The following SMCHD1 variants were observed in gnomAD, a reference collection of about 807,000 sequenced individuals.
The protein encoded by SMCHD1 is structural maintenance of chromosomes flexible hinge domain-containing protein 1.
Under a neutral mutation model 254.7 loss-of-function variants are expected in SMCHD1, and 78 were observed. That is an observed-to-expected ratio of 0.31 (90% CI 0.26 to 0.37). The LOEUF is 0.37. Among genes scored for constraint, SMCHD1 ranks in the 10% least tolerant of loss-of-function variants. The probability of loss-of-function intolerance (pLI) is 1.00; values close to 1 mark genes in which losing one functional copy is unlikely to be tolerated. For synonymous variants in SMCHD1, 766 were observed against 794.9 expected (o/e 0.96, Z 0.61); for missense variants, 1,840 against 2,408.1 (o/e 0.76, Z 4.94).
At chr18:2,781,354 A>G (rs2076154366) in intron 44 of SMCHD1, among the ~76,000 whole-genome samples, 1 of 152,236 alleles carries the variant, frequency 6.6e-6, no homozygotes, top group Admixed American at 6.5e-5. Context: ...TGCAATGTGT[A>G]TTCATACTAC....
At chr18:2,796,336 T>G (rs1030505452) in intron 46 of SMCHD1, 71 bp from the exon 47 acceptor site, 51 of 1,004,756 alleles carry the variant, frequency 5.1e-5, no homozygotes, top group Non-Finnish European at 6.0e-5. Flanking sequence ...TATGACATAT[T>G]CATGTTTGCA....
chr18:2,709,847 G>A (rs1352475154), intron 17 of SMCHD1, among the ~76,000 whole-genome samples: 1 of 152,052 alleles, frequency 6.6e-6, no homozygotes, highest in African/African-American at 2.4e-5. Flanking sequence ...CCACTCTGTG[G>A]GTTGCTTTTT....
intron 25 of SMCHD1, 105 bp from the exon 26 acceptor site, chr18:2,738,292 G>T: frequency 2.9e-6 from 3 of 1,046,834 alleles, no homozygotes; most frequent in Non-Finnish European, 3.9e-6. Flanking sequence ...TTTTTCTTGG[G>T]GGTGAAGAAG....
intron 28 of SMCHD1, 114 bp downstream of exon 28, chr18:2,740,935 A>C: frequency 1.7e-6 from 1 of 585,008 alleles, no homozygotes. Flanking sequence ...TTTAAATTGA[A>C]AAGTCATAAA....
chr18:2,769,739 T>G lies in SMCHD1; in HGVS notation c.4765T>G (p.Tyr1589Asp). Residue 1589 changes from tyrosine (Y) to aspartate (D), a missense_variant, in exon 38 of 48, where the codon TAT (tyrosine) becomes GAT (aspartate). Physicochemically the swap from Tyr to Asp is radical, Grantham distance 160. Coordinates refer to ENST00000320876, the MANE Select transcript of SMCHD1 (RefSeq NM_015295.3). ...ESSPGRDSTE[Y>D]FIVFEPRLPL... ...TAGTCCTGGAAGGGATAGTACTGAA[T>G]ATTTTATTGTATTTGAGCCCCGGCT... 6.2e-7 allele frequency: 1 copy of G among 1,601,732 alleles called. No homozygotes were observed. Among genetic ancestry groups the G allele is most frequent in the South Asian group, 1.1e-5 (1 of 89,386 alleles).
chr18:2,792,427 C>G (rs1351681407), intron 45 of SMCHD1, among the ~76,000 whole-genome samples: 1 of 152,194 alleles, frequency 6.6e-6, no homozygotes, highest in African/African-American at 2.4e-5. Context: ...CTGTTGTGTT[C>G]ACTTAATGAC....
At chr18:2,675,856 C>T (rs1276350427) in intron 5 of SMCHD1, among the ~76,000 whole-genome samples, 1 of 152,162 alleles carries the variant, frequency 6.6e-6, no homozygotes, top group Non-Finnish European at 1.5e-5. Context: ...ACAAAACAAA[C>T]TTTTAAACTT....
At chr18:2,656,440 G>A (rs2073059866) in intron 1 of SMCHD1, among the ~76,000 whole-genome samples, 179 bp downstream of exon 1, 1 of 152,226 alleles carries the variant, frequency 6.6e-6, no homozygotes, top group African/African-American at 2.4e-5. Flanking sequence ...GCCTCGGGCG[G>A]GCCCTGGCCC....
At position 2,715,682 on chromosome 18, in the gene SMCHD1, C is replaced by T. The variant is rs540626816; in HGVS notation, c.2261-2476C>T. 7.9e-5 allele frequency among the ~76,000 whole-genome samples: 12 copies of T among 152,092 alleles called. No individual in the cohort carries two copies. The South Asian group carries it at 1.5e-3, about 18-fold the overall frequency. On this transcript the variant is annotated intron_variant, in intron 17 of 47. Transcript: ENST00000320876. The stretch of plus-strand genomic sequence containing the variant: ...ATCCTGGACAACACAGTGAGACACT[C>T]TCTAAAAAAATTTTTTTTTAATTTA...
At chr18:2,792,828 G>C (rs2076190184) in intron 45 of SMCHD1, among the ~76,000 whole-genome samples, 1 of 152,240 alleles carries the variant, frequency 6.6e-6, no homozygotes, top group East Asian at 1.9e-4. Flanking sequence ...TTCAGGGAAA[G>C]GGTGTTTTGT....
chr18:2,704,332 TTTTG>T (rs760486817), intron 13 of SMCHD1, among the ~76,000 whole-genome samples: 12 of 152,168 alleles, frequency 7.9e-5, no homozygotes, highest in Admixed American at 4.6e-4. Context: ...TCTCAGTGTT[TTTTG>T]TTTGTTTGTT....
intron 17 of SMCHD1, among the ~76,000 whole-genome samples, chr18:2,708,915 T>TATAAAAC (rs1568199419): frequency 1.2e-4 from 11 of 90,466 alleles, no homozygotes; most frequent in African/African-American, 4.6e-4. Flanking sequence ...TATAACATAT[T>TATAAAAC]AACATGAAAT....
intron 17 of SMCHD1, among the ~76,000 whole-genome samples, chr18:2,710,859 G>A (rs2074650122): frequency 6.6e-6 from 1 of 152,162 alleles, no homozygotes; most frequent in Admixed American, 6.5e-5. Flanking sequence ...TATTCCTTGT[G>A]TAGTGTTTTT....
chr18:2,795,147 G>A (rs12968262), intron 45 of SMCHD1, among the ~76,000 whole-genome samples: 44,273 of 151,726 alleles, frequency 0.29, 6,687 homozygotes, highest in East Asian at 0.51. Flanking sequence ...TCTGCTTCCC[G>A]GGTTCACGCC....
chr18:2,795,925 C>G, intron 45 of SMCHD1, 24 bp from the exon 46 acceptor site: 1 of 1,545,104 alleles, frequency 6.5e-7, no homozygotes, highest in South Asian at 1.2e-5. Context: ...GTAATTTAAT[C>G]AAATGCATTT....
intron 30 of SMCHD1, among the ~76,000 whole-genome samples, chr18:2,748,430 A>T (rs1222590495): frequency 5.1e-3 from 1 of 196 alleles, no homozygotes; most frequent in Non-Finnish European, 0.014. Context: ...TCTCGCTGCA[A>T]CGCCCCAGGC....
chr18:2,726,516 T>G lies in SMCHD1; in HGVS notation c.2765T>G (p.Leu922Ter). ...KEDSQILKIRLLPGHPRRLKV... is the reference protein window; with the variant it reads ...KEDSQILKIR ...GACTCACAGATTTTGAAAATTAGATTACTACCTGGTAATATTATTTCAAGA... is the reference window on the plus strand; with the variant it reads ...GACTCACAGATTTTGAAAATTAGATGACTACCTGGTAATATTATTTCAAGA... The change falls in exon 22 of 48, where the codon TTA becomes TGA. Residue 922 changes from leucine (L) to a stop codon, truncating the protein, a stop_gained. Transcript: ENST00000320876. LOFTEE classifies it high-confidence loss of function. The G allele has an allele frequency of 7.5e-7, 1 of 1,338,102 alleles. No homozygotes were observed. The highest frequency in any genetic ancestry group is 1.0e-6 in the Non-Finnish European group (1 of 968,600). The allele number at this position is 1,338,102 out of a possible 1,614,324, so 82.9% of individuals were successfully genotyped here. A position where few individuals can be genotyped will look rare whatever the true frequency, so the allele number is the denominator to read the frequency against.
rs141471281 is a variant in SMCHD1 at position 2,798,845 on chromosome 18, G to A, written c.5993+2324G>A. ...GAGACCAGAACCCACTTCCCACTAA[G>A]GAAATTCCTCAAGGTGCAGTTCTAG... On this transcript the variant is annotated intron_variant, in intron 47 of 47. Coordinates refer to ENST00000320876, the MANE Select transcript of SMCHD1 (RefSeq NM_015295.3). 4.7e-4 allele frequency among the ~76,000 whole-genome samples: 71 copies of A among 152,282 alleles called. No homozygotes were observed. In the East Asian group the frequency reaches 0.011, roughly 24 times the overall value.
At chr18:2,663,113 T>A (rs2073341866) in intron 1 of SMCHD1, among the ~76,000 whole-genome samples, 1 of 152,216 alleles carries the variant, frequency 6.6e-6, no homozygotes, top group African/African-American at 2.4e-5. Context: ...GCTATTTGCA[T>A]CTTTTGAGAC....
Sources: gnomAD v4.1 joint callset for allele counts (sites outside exome capture counted in the v4.1 genomes callset) on GRCh38, gnomAD v4.1.1 for gene constraint, MANE v1.5 for transcripts, NCBI Gene and HGNC (gene_info 2026-07-23, HGNC 2026-07-21) for gene names.